Variants in ATAD5 observed in about 807,000 individuals in gnomAD.
ATAD5 encodes the protein ATPase family AAA domain containing 5.
A neutral mutation model predicts 176.9 loss-of-function variants in ATAD5; 58 were observed. That is an observed-to-expected ratio of 0.33 (90% CI 0.27 to 0.41). The LOEUF is 0.41. Ranked by LOEUF, ATAD5 falls within the 10% of genes least tolerant of loss-of-function variation. ATAD5 has a pLI of 1.00. For synonymous variants in ATAD5, 640 were observed against 712.6 expected, an observed-to-expected ratio of 0.90 and a Z score of 1.62; for missense variants, 1,789 against 2,094.1, an observed-to-expected ratio of 0.85 and a Z score of 2.84.
At chr17:30,871,161 G>T (rs1021499840) in intron 14 of ATAD5, among the ~76,000 whole-genome samples, 1 of 146,802 alleles carries the variant, frequency 6.8e-6, no homozygotes, top group Non-Finnish European at 1.5e-5. Context: ...CATCTTTTCT[G>T]TAGTATCTAG....
chr17:30,892,355 G>A (rs1003467757), intron 19 of ATAD5, among the ~76,000 whole-genome samples: 13 of 151,690 alleles, frequency 8.6e-5, no homozygotes, highest in African/African-American at 3.1e-4. Context: ...AACCCAGGAG[G>A]TGGAGGTTTC....
rs777934951 is a variant in ATAD5 at position 30,856,928 on chromosome 17, TTAAGA to T, written c.2636-24_2636-20del. 18 of 1,542,488 alleles carry T rather than the reference TTAAGA, an allele frequency of 1.2e-5. No individual in the cohort carries two copies. The African/African-American group carries it at 1.8e-4, about 16-fold the overall frequency. On this transcript the variant is annotated intron_variant, in intron 7 of 22. Transcript: ENST00000321990. Reference sequence around the variant, plus strand: ...ATGGATAGTGTATAAATAAGGTTTATTAAGATATTTGTCTATTTTTCTTTAGGGTG... The same window carrying T: ...ATGGATAGTGTATAAATAAGGTTTATTATTTGTCTATTTTTCTTTAGGGTG...
intron 10 of ATAD5, chr17:30,864,525 A>G (rs1286331392): frequency 2.0e-5 from 3 of 152,016 alleles, no homozygotes; most frequent in African/African-American, 7.3e-5. Flanking sequence ...TGTAGTCCCC[A>G]GTGTCTTTTT....
Position 30,868,048 on chromosome 17 carries a change from G to A in ATAD5, c.3234-285G>A, listed in dbSNP as rs116531865. ...TACAGTGAATATTCTTACACATATA[G>A]TCTTGTATATTTTGGCAGAAACTAC... On this transcript the variant is annotated intron_variant, in intron 11 of 22. Transcript: ENST00000321990. Among the ~76,000 whole-genome samples, 438 of 152,298 alleles carry A rather than the reference G, an allele frequency of 2.9e-3. 2 individuals are homozygous for A. Among genetic ancestry groups the A allele is most frequent in the African/African-American group, 0.01 (422 of 41,560 alleles).
chr17:30,892,206 C>G (rs1228482354), intron 19 of ATAD5, among the ~76,000 whole-genome samples: 1 of 151,544 alleles, frequency 6.6e-6, no homozygotes, highest in Non-Finnish European at 1.5e-5. Context: ...GGGTGGATCA[C>G]TCGAGGTCAA....
chr17:30,833,156 T>A (rs1323828013), intron 1 of ATAD5, among the ~76,000 whole-genome samples: 1 of 152,228 alleles, frequency 6.6e-6, no homozygotes, highest in Non-Finnish European at 1.5e-5. Flanking sequence ...TTTCAGAATC[T>A]GGTGACTTGT....
intron 10 of ATAD5, among the ~76,000 whole-genome samples, chr17:30,861,053 T>C (rs1907600585): frequency 6.6e-6 from 1 of 152,024 alleles, no homozygotes; most frequent in South Asian, 2.1e-4. Context: ...TTCACCCACC[T>C]CGGCCTCCCA....
intron 19 of ATAD5, among the ~76,000 whole-genome samples, chr17:30,891,681 T>C (rs1382722737): frequency 1.4e-5 from 2 of 146,546 alleles, no homozygotes; most frequent in African/African-American, 2.5e-5. Flanking sequence ...CTGAAATTAC[T>C]GTTTCTTTTT....
At chr17:30,852,541 C>T (rs1463899300) in intron 6 of ATAD5, among the ~76,000 whole-genome samples, 4 of 152,130 alleles carry the variant, frequency 2.6e-5, no homozygotes, top group African/African-American at 9.7e-5. Flanking sequence ...TTCCCATAAA[C>T]GAATACCTAA....
chr17:30,835,620 A>G lies in ATAD5; in HGVS notation c.1539A>G (p.Gln513=), dbSNP rs367902269. The G allele has an allele frequency of 3.4e-4, 547 of 1,609,554 alleles. No homozygotes were observed. The highest frequency in any genetic ancestry group is 4.1e-4 in the Non-Finnish European group (484 of 1,178,452). The change falls in exon 2 of 23, where the codon CAA becomes CAG. Residue 513 remains glutamine, a synonymous_variant. Transcript: ENST00000321990. The part of the protein sequence containing the change: ...KETTFFLKEK[Q]YQNRMSLRQR... ...CAACCTTTTTCTTAAAAGAGAAACA[A>G]TATCAAAATAGAATGAGTTTAAGAC...
intron 11 of ATAD5, among the ~76,000 whole-genome samples, chr17:30,867,933 A>G (rs1011152404): frequency 6.6e-6 from 1 of 151,252 alleles, no homozygotes; most frequent in African/African-American, 2.4e-5. Context: ...TAATTGCTGT[A>G]TACCAGTTTC....
intron 22 of ATAD5, 33 bp downstream of exon 22, chr17:30,894,755 A>C (rs775699797): frequency 2.1e-5 from 33 of 1,569,714 alleles, no homozygotes; most frequent in Non-Finnish European, 2.8e-5. Context: ...CATTTTAGAT[A>C]GCTTTTTCAA....
chr17:30,854,198 CAA>C (rs1438863637), intron 6 of ATAD5, among the ~76,000 whole-genome samples: 3 of 136,788 alleles, frequency 2.2e-5, no homozygotes, highest in Admixed American at 7.5e-5. Context: ...AAATCTAAAA[CAA>C]AATTTTTATA....
chr17:30,834,302 A>G lies in ATAD5; in HGVS notation c.221A>G (p.Glu74Gly). Residue 74 changes from glutamate to glycine, a missense_variant, in exon 2 of 23, where the codon GAG becomes GGG. Around this residue, in one of 6 missense-constraint regions of ATAD5, gnomAD observed 696 missense variants for 712.5 expected, o/e 0.98. Transcript: ENST00000321990. The stretch of plus-strand genomic sequence containing the variant: ...TTTAGAAAGACTTCACCCACAAATG[A>G]GAAGACACAATTAGGGAAAGAGTGC... The part of the protein sequence containing the change: ...DYFRKTSPTN[E>G]KTQLGKECKI... 6.2e-7 allele frequency: 1 copy of G among 1,613,576 alleles called. No individual in the cohort carries two copies. Among genetic ancestry groups the G allele is most frequent in the Non-Finnish European group, 8.5e-7 (1 of 1,179,880 alleles).
At chr17:30,887,949 A>G (rs1266919667) in intron 19 of ATAD5, among the ~76,000 whole-genome samples, 1 of 151,972 alleles carries the variant, frequency 6.6e-6, no homozygotes, top group African/African-American at 2.4e-5. Context: ...CTCCTGCCTC[A>G]GCCTCCCGAG....
chr17:30,853,808 G>T (rs1907118080), intron 6 of ATAD5, among the ~76,000 whole-genome samples: 1 of 152,002 alleles, frequency 6.6e-6, no homozygotes, highest in African/African-American at 2.4e-5. Flanking sequence ...AAGATAAACT[G>T]GGCAAAACTG....
At position 30,865,696 on chromosome 17, in the gene ATAD5, T is replaced by G. The variant is rs75805898; in HGVS notation, c.3137-8T>G. On this transcript the variant is annotated splice_region_variant and splice_polypyrimidine_tract_variant and intron_variant, in intron 10 of 22. Transcript: ENST00000321990. Reference sequence around the variant, plus strand: ...TGAATACCTTAATTTTTTTTTTTTTTGCTTTAGATTCTGGAACTGAAGACA... The same window carrying G: ...TGAATACCTTAATTTTTTTTTTTTTGGCTTTAGATTCTGGAACTGAAGACA... 1 of 1,523,684 alleles carries G rather than the reference T, an allele frequency of 6.6e-7. No homozygotes were observed. The highest frequency in any genetic ancestry group is 8.8e-7 in the Non-Finnish European group (1 of 1,137,912). 94.4% of individuals were successfully genotyped at this position (1,523,684 alleles called of 1,614,324 possible).
At position 30,868,426 on chromosome 17, in the gene ATAD5, CTTT is replaced by C. The variant is rs201420202; in HGVS notation, c.3313+27_3313+29del. ...AGAAACATGAAGGTATTTTGTGTGT[CTTT>C]TTTTTTTTTTTTACCATTTCACTGA... On this transcript the variant is annotated intron_variant, in intron 12 of 22. Coordinates refer to ENST00000321990, the MANE Select transcript of ATAD5 (RefSeq NM_024857.5). The C allele has an allele frequency of 3.4e-3, 4,059 of 1,210,974 alleles. No homozygotes were observed. The highest frequency in any genetic ancestry group is 9.2e-3 in the South Asian group (461 of 50,274). The allele number at this position is 1,210,974 out of a possible 1,614,324, so 75.0% of individuals were successfully genotyped here.
intron 10 of ATAD5, 86 bp from the exon 11 acceptor site, chr17:30,865,618 A>G (rs1907934949): frequency 1.3e-6 from 1 of 766,456 alleles, no homozygotes; most frequent in African/African-American, 1.8e-5. Context: ...CTACTGTGAC[A>G]TTGTAACAAT....
Sources: allele counts gnomAD v4.1 joint callset (sites outside exome capture counted in the v4.1 genomes callset), GRCh38; gene constraint gnomAD v4.1.1; regional missense constraint gnomAD v4.1.1; transcripts MANE v1.5; gene names NCBI Gene and HGNC (gene_info 2026-07-23, HGNC 2026-07-21).